Variants in APBA1 observed in about 807,000 individuals in gnomAD.
APBA1 encodes the protein amyloid beta precursor protein binding family A member 1.
Under a neutral mutation model 86.6 loss-of-function variants are expected in APBA1, and 55 were observed. The ratio of observed to expected loss-of-function variants is 0.64; its 90% CI spans 0.51 to 0.80. APBA1 has a LOEUF of 0.80. APBA1 is among the 30% of genes least tolerant of loss of function. The probability of loss-of-function intolerance (pLI) is 0.00; values close to 1 mark genes in which losing one functional copy is unlikely to be tolerated. For synonymous variants in APBA1, 511 were observed against 493.9 expected (o/e 1.03, Z -0.46); for missense variants, 1,090 against 1,183.0 (o/e 0.92, Z 1.15).
At chr9:69,591,686 C>T (rs898924202) in intron 1 of APBA1, among the ~76,000 whole-genome samples, 10 of 152,236 alleles carry the variant, frequency 6.6e-5, no homozygotes, top group African/African-American at 2.4e-4. Flanking sequence ...CTCATTTTCC[C>T]GCCTTTTAAA....
intron 1 of APBA1, among the ~76,000 whole-genome samples, chr9:69,558,002 C>T (rs758076052): frequency 6.6e-6 from 1 of 152,294 alleles, no homozygotes; most frequent in East Asian, 1.9e-4. Flanking sequence ...CTGAGGCATA[C>T]ATGTTAGAAT....
intron 1 of APBA1, among the ~76,000 whole-genome samples, chr9:69,614,479 A>G (rs2161056): frequency 0.6 from 91,654 of 152,058 alleles, 29,055 homozygotes; most frequent in East Asian, 0.85. Context: ...TAGAAGTCTA[A>G]TATGGTATCA....
chr9:69,452,400 T>A, intron 8 of APBA1, 99 bp from the exon 9 acceptor site: 1 of 1,224,668 alleles, frequency 8.2e-7, no homozygotes, highest in Non-Finnish European at 1.1e-6. Context: ...TCCTGGAGTC[T>A]GAGGAAACCC....
intron 1 of APBA1, among the ~76,000 whole-genome samples, chr9:69,663,905 C>T (rs1236301677): frequency 6.6e-6 from 1 of 152,152 alleles, no homozygotes. Context: ...CAAAGTCTCC[C>T]ATATTGTGGG....
intron 10 of APBA1, among the ~76,000 whole-genome samples, chr9:69,442,466 G>T (rs2133796202): frequency 6.6e-6 from 1 of 152,322 alleles, no homozygotes; most frequent in East Asian, 1.9e-4. Flanking sequence ...AGGGAACTGT[G>T]GGGTGGGTGG....
intron 1 of APBA1, among the ~76,000 whole-genome samples, chr9:69,646,863 C>A (rs966296908): frequency 1.3e-5 from 2 of 152,160 alleles, no homozygotes; most frequent in Admixed American, 1.3e-4. Flanking sequence ...CACACCCAGG[C>A]ACCAAAGGAA....
intron 1 of APBA1, among the ~76,000 whole-genome samples, chr9:69,523,879 A>T (rs552986439): frequency 6.6e-6 from 1 of 152,196 alleles, no homozygotes; most frequent in Non-Finnish European, 1.5e-5. Context: ...AAATCATACC[A>T]GCCATATTCT....
At chr9:69,493,840 G>A (rs971376189) in intron 2 of APBA1, among the ~76,000 whole-genome samples, 1 of 152,098 alleles carries the variant, frequency 6.6e-6, no homozygotes, top group African/African-American at 2.4e-5. Flanking sequence ...AAATAGCTTT[G>A]CACTTACGCT....
At chr9:69,610,178 A>G (rs1316962771) in intron 1 of APBA1, among the ~76,000 whole-genome samples, 1 of 151,978 alleles carries the variant, frequency 6.6e-6, no homozygotes, top group Non-Finnish European at 1.5e-5. Context: ...TAATTAGCTA[A>G]GTGTGGTGGT....
chr9:69,672,815 T>TG, upstream of APBA1: 1 of 152,374 alleles, frequency 6.6e-6, no homozygotes, highest in East Asian at 1.9e-4. Context: ...GCAACCCAGG[T>TG]GGTCCCCAGT....
intron 1 of APBA1, among the ~76,000 whole-genome samples, chr9:69,576,406 C>T (rs1277616547): frequency 6.6e-6 from 1 of 152,190 alleles, no homozygotes; most frequent in Non-Finnish European, 1.5e-5. Flanking sequence ...CACATGCACA[C>T]TTATGTTTAT....
At position 69,516,587 on chromosome 9, in the gene APBA1, G is replaced by A. The variant is rs1836156158; in HGVS notation, c.624C>T (p.Asp208=). 6.2e-7 allele frequency: 1 copy of A among 1,602,990 alleles called. No homozygotes were observed. ...CGTAGAGCCGCAGGCCGTCGCGTGC[G>A]TCCAGCTCGGGCGCGTCCCCTATCT... The part of the protein sequence containing the change: ...YEEIGDAPEL[D]ARDGLRLYEQ... Residue 208 remains aspartate (D), a synonymous_variant, in exon 2 of 13, where the codon GAC becomes GAT. Coordinates refer to ENST00000265381, the MANE Select transcript of APBA1 (RefSeq NM_001163.4). The surrounding 1 kb of genome is among the most constrained non-coding windows in gnomAD (Gnocchi z 7.3).
intron 11 of APBA1, 139 bp from the exon 12 acceptor site, chr9:69,432,815 C>A (rs1166638283): frequency 9.2e-6 from 8 of 871,482 alleles, no homozygotes; most frequent in South Asian, 3.6e-5. Context: ...ATTTAACTCT[C>A]TTAGTGTCTT....
At chr9:69,457,512 A>C (rs1052583608) in intron 6 of APBA1, among the ~76,000 whole-genome samples, 1 of 152,178 alleles carries the variant, frequency 6.6e-6, no homozygotes, top group African/African-American at 2.4e-5. Context: ...TGGGGAAGTC[A>C]CTTAGAATTT....
chr9:69,529,828 G>A (rs143170716), intron 1 of APBA1, among the ~76,000 whole-genome samples: 4 of 151,926 alleles, frequency 2.6e-5, no homozygotes, highest in African/African-American at 9.6e-5. Context: ...AATCCACAAG[G>A]AACTCAAACA....
At chr9:69,488,964 C>T (rs983570711) in intron 2 of APBA1, among the ~76,000 whole-genome samples, 5 of 151,988 alleles carry the variant, frequency 3.3e-5, no homozygotes, top group Admixed American at 2.0e-4. Context: ...CAAACCACTG[C>T]TCAATGAAAT....
upstream of APBA1, among the ~76,000 whole-genome samples, chr9:69,672,471 C>G (rs1338037706): frequency 2.7e-5 from 4 of 146,968 alleles, no homozygotes; most frequent in Admixed American, 2.7e-4. Flanking sequence ...AGGGAGGGCG[C>G]GGGGGAGCGC....
intron 2 of APBA1, among the ~76,000 whole-genome samples, chr9:69,476,993 C>G (rs1252735114): frequency 6.6e-6 from 1 of 152,190 alleles, no homozygotes; most frequent in Non-Finnish European, 1.5e-5. Context: ...CTGATACAGA[C>G]CCGGAAAACA....
chr9:69,588,661 A>C lies in APBA1; in HGVS notation c.-69-71382T>G, dbSNP rs901214311. Among the ~76,000 whole-genome samples, 54 of 152,240 alleles carry C rather than the reference A, an allele frequency of 3.5e-4. 1 individual carries two copies. The highest frequency in any genetic ancestry group is 1.5e-4 in the Non-Finnish European group (10 of 68,048). On this transcript the variant is annotated intron_variant, in intron 1 of 12. Transcript: ENST00000265381. ...GTCAACATAGACATCAGAGCTTACA[A>C]GTCAGAGCTTAGTTCCTCTGCACCA...
Sources: gnomAD v4.1 joint callset for allele counts (sites outside exome capture counted in the v4.1 genomes callset) on GRCh38, gnomAD v4.1.1 for gene constraint, Gnocchi (gnomAD v3.1) non-coding constraint, MANE v1.5 for transcripts, NCBI Gene and HGNC (gene_info 2026-07-23, HGNC 2026-07-21) for gene names.